Variants in LYRM7 observed in about 807,000 individuals in gnomAD.
LYRM7 encodes LYR motif containing 7, also known as complex III assembly factor LYRM7.
A neutral mutation model predicts 15.8 loss-of-function variants in LYRM7; 9 were observed. The ratio of observed to expected loss-of-function variants is 0.57; its 90% CI spans 0.34 to 0.99. LYRM7 has a LOEUF of 0.99. LYRM7 is among the 50% of genes least tolerant of loss of function. The probability of loss-of-function intolerance (pLI) is 0.02; values close to 1 mark genes in which losing one functional copy is unlikely to be tolerated. For missense variants in LYRM7, 115 were observed against 119.1 expected, an observed-to-expected ratio of 0.97 and a Z score of 0.16; for synonymous variants, 39 against 39.4, an observed-to-expected ratio of 0.99 and a Z score of 0.04.
At chr5:131,189,213 G>A (rs1388827359) in intron 4 of LYRM7, among the ~76,000 whole-genome samples, 2 of 151,658 alleles carry the variant, frequency 1.3e-5, no homozygotes, top group African/African-American at 4.8e-5. Context: ...GGAGGCCGAG[G>A]CGGGCGGATC....
At chr5:131,191,275 T>C (rs1755882488) in intron 4 of LYRM7, among the ~76,000 whole-genome samples, 1 of 152,002 alleles carries the variant, frequency 6.6e-6, no homozygotes, top group African/African-American at 2.4e-5. Context: ...CAAAATTCCT[T>C]CAAATATTTT....
intron 4 of LYRM7, among the ~76,000 whole-genome samples, chr5:131,188,373 A>T (rs1002747478): frequency 6.6e-6 from 1 of 151,870 alleles, no homozygotes; most frequent in African/African-American, 2.4e-5. Context: ...ATAAAATGAA[A>T]TACCCATGTA....
chr5:131,187,186 C>T (rs1382873420), intron 4 of LYRM7, 77 bp downstream of exon 4: 2 of 805,662 alleles, frequency 2.5e-6, no homozygotes, highest in Non-Finnish European at 4.1e-6. Context: ...ACATGTAATG[C>T]TGAGTGATAA....
chr5:131,185,381 A>T (rs987715318), intron 3 of LYRM7, among the ~76,000 whole-genome samples: 1 of 152,158 alleles, frequency 6.6e-6, no homozygotes, highest in African/African-American at 2.4e-5. Context: ...TTCCTCACTT[A>T]GGGTTTTTAT....
intron 3 of LYRM7, among the ~76,000 whole-genome samples, chr5:131,183,859 T>C (rs1027912176): frequency 2.0e-5 from 3 of 152,190 alleles, no homozygotes; most frequent in African/African-American, 7.2e-5. Flanking sequence ...GATTAATTCA[T>C]TTTAAAATAA....
At position 131,200,734 on chromosome 5, in the gene LYRM7, A is replaced by G. The variant is rs955754398; in HGVS notation, c.*1133A>G. 17 of 152,350 alleles carry G rather than the reference A, an allele frequency of 1.1e-4. No individual in the cohort carries two copies. Among genetic ancestry groups the G allele is most frequent in the African/African-American group, 3.9e-4 (16 of 41,456 alleles). The allele number at this position is 152,350 out of a possible 1,614,324, so 9.4% of individuals were successfully genotyped here. A position where few individuals can be genotyped will look rare whatever the true frequency, so the allele number is the denominator to read the frequency against. ...TTAAGAGAATGCTGAATGTCATCGC[A>G]GTATATAATCACTATATAAATGTGC... On this transcript the variant is annotated 3_prime_UTR_variant, in exon 5 of 5. Coordinates refer to ENST00000379380, the MANE Select transcript of LYRM7 (RefSeq NM_181705.4).
intron 4 of LYRM7, among the ~76,000 whole-genome samples, chr5:131,189,616 T>A (rs904769079): frequency 1.3e-5 from 2 of 152,120 alleles, no homozygotes; most frequent in Admixed American, 6.5e-5. Context: ...AGACCACTCT[T>A]CCCCCTACTA....
chr5:131,187,054 A>G lies in LYRM7; in HGVS notation c.189A>G (p.Glu63=). 6.4e-7 allele frequency: 1 copy of G among 1,559,578 alleles called. No individual in the cohort carries two copies. Among genetic ancestry groups the G allele is most frequent in the Non-Finnish European group, 8.7e-7 (1 of 1,144,794 alleles). The change falls in exon 4 of 5, where the codon GAA becomes GAG. Residue 63 remains glutamate (E), a synonymous_variant. Coordinates refer to ENST00000379380, the MANE Select transcript of LYRM7 (RefSeq NM_181705.4). The part of the protein sequence containing the change: ...EELMKIGSDV[E]LLLRTSVIQG... ...TAATGAAAATAGGTTCTGATGTTGA[A>G]TTATTACTCAGAACATCTGTTATAC...
In LYRM7 at chr5:131,184,645, G is replaced by GGGA. The variant is rs1554090156; in HGVS notation, c.162+2348_162+2349insAGG. 5.6e-4 allele frequency among the ~76,000 whole-genome samples: 82 copies of GGGA among 145,250 alleles called. 1 individual carries two copies. The highest frequency in any genetic ancestry group is 3.5e-3 in the Middle Eastern group (1 of 282). On this transcript the variant is annotated intron_variant, in intron 3 of 4. Coordinates refer to ENST00000379380, the MANE Select transcript of LYRM7 (RefSeq NM_181705.4). Reference sequence around the variant, plus strand: ...ACAAATGGAATTTTTTTTGGCGGGGGGGGGGTTCCAGGATTCATGCAGACC... The same window carrying GGGA: ...ACAAATGGAATTTTTTTTGGCGGGGGGGAGGGGGTTCCAGGATTCATGCAGACC...
intron 4 of LYRM7, among the ~76,000 whole-genome samples, chr5:131,197,026 T>C (rs1755975820): frequency 6.6e-6 from 1 of 152,228 alleles, no homozygotes; most frequent in Non-Finnish European, 1.5e-5. Context: ...TTTTGGACTT[T>C]GGTTATTCAG....
chr5:131,188,727 T>C (rs1472501832), intron 4 of LYRM7, among the ~76,000 whole-genome samples: 1 of 152,212 alleles, frequency 6.6e-6, no homozygotes, highest in African/African-American at 2.4e-5. Context: ...TATCTTTCTG[T>C]GAGAAGTTCT....
At chr5:131,188,102 C>T (rs1188976783) in intron 4 of LYRM7, among the ~76,000 whole-genome samples, 1 of 151,800 alleles carries the variant, frequency 6.6e-6, no homozygotes, top group Non-Finnish European at 1.5e-5. Context: ...ACAAAAAATA[C>T]AAAAGTTATC....
chr5:131,184,619 G>C (rs1334431004), intron 3 of LYRM7, among the ~76,000 whole-genome samples: 1 of 142,992 alleles, frequency 7.0e-6, no homozygotes, highest in Non-Finnish European at 1.5e-5. Context: ...TTATCTGTCA[G>C]ACAAATGGAA....
intron 4 of LYRM7, among the ~76,000 whole-genome samples, chr5:131,191,859 A>C (rs894626696): frequency 1.3e-5 from 2 of 152,174 alleles, no homozygotes; most frequent in Non-Finnish European, 2.9e-5. Flanking sequence ...CTAAACATAG[A>C]ACTATTGCAT....
At chr5:131,197,541 C>CTTTTTTTTTTTTTTTT in intron 4 of LYRM7, among the ~76,000 whole-genome samples, 1 of 90,748 alleles carries the variant, frequency 1.1e-5, no homozygotes, top group Non-Finnish European at 2.0e-5. Context: ...TGTCTTCTGT[C>CTTTTTTTTTTTTTTTT]TTTTTTTTTT....
At chr5:131,178,519 A>G (rs1755634549) in intron 1 of LYRM7, among the ~76,000 whole-genome samples, 1 of 152,186 alleles carries the variant, frequency 6.6e-6, no homozygotes, top group Non-Finnish European at 1.5e-5. Context: ...TTTGGACTTG[A>G]GAAGTGTGAA....
At chr5:131,187,404 G>T (rs1207637733) in intron 4 of LYRM7, among the ~76,000 whole-genome samples, 4 of 151,370 alleles carry the variant, frequency 2.6e-5, no homozygotes, top group Non-Finnish European at 5.9e-5. Flanking sequence ...TAATTTTTCT[G>T]GCATCATTTA....
intron 4 of LYRM7, among the ~76,000 whole-genome samples, chr5:131,196,035 AT>A: frequency 6.6e-6 from 1 of 151,340 alleles, no homozygotes; most frequent in Non-Finnish European, 1.5e-5. Flanking sequence ...GGAAAGAAGG[AT>A]TTATATGCAT....
chr5:131,189,028 T>C (rs1270755265), intron 4 of LYRM7, among the ~76,000 whole-genome samples: 4 of 151,654 alleles, frequency 2.6e-5, no homozygotes, highest in Non-Finnish European at 5.9e-5. Flanking sequence ...ATGCCTGTAA[T>C]TCCAGCTACT....
Sources: allele counts gnomAD v4.1 joint callset (sites outside exome capture counted in the v4.1 genomes callset), GRCh38; gene constraint gnomAD v4.1.1; transcripts MANE v1.5; gene names NCBI Gene and HGNC (gene_info 2026-07-23, HGNC 2026-07-21).